CMSS1: variants seen among roughly 807,000 people sequenced by gnomAD.
CMSS1 encodes protein CMSS1.
In CMSS1, 33 loss-of-function variants were observed where a neutral mutation model predicts 43.5. That is an observed-to-expected ratio of 0.76 (90% confidence interval 0.57 to 1.01). CMSS1 has a LOEUF of 1.01. CMSS1 is among the 50% of genes least tolerant of loss of function. The pLI, the probability that CMSS1 is intolerant of heterozygous loss-of-function variation, is 0.00. For missense variants in CMSS1, 313 were observed against 326.4 expected (o/e 0.96, Z 0.32); for synonymous variants, 115 against 117.2 (o/e 0.98, Z 0.12).
At position 100,089,712 on chromosome 3, in the gene CMSS1, G is replaced by C. The variant is rs1487720116; in HGVS notation, c.65-57261G>C. The stretch of plus-strand genomic sequence containing the variant: ...ATAAATACAAATTTCATAGGCATTT[G>C]TATGAAGTAAGAATTCATTGCTCGT... On this transcript the variant is annotated intron_variant, in intron 1 of 9. Coordinates refer to ENST00000421999, the MANE Select transcript of CMSS1 (RefSeq NM_032359.4). Among the ~76,000 whole-genome samples the C allele has an allele frequency of 2.0e-5, 3 of 152,186 alleles. No individual in the cohort carries two copies. In the East Asian group the frequency reaches 5.8e-4, roughly 29 times the overall value.
intron 1 of CMSS1, among the ~76,000 whole-genome samples, chr3:99,896,482 A>G (rs1426902736): frequency 6.6e-6 from 1 of 152,162 alleles, no homozygotes; most frequent in East Asian, 1.9e-4. Flanking sequence ...TAGTCACCTT[A>G]AGCTACTGAG....
intron 1 of CMSS1, among the ~76,000 whole-genome samples, chr3:100,139,529 A>ATGTGTGTGTGTG (rs201315535): frequency 1.4e-4 from 18 of 129,296 alleles, no homozygotes; most frequent in East Asian, 4.5e-4. Context: ...TAAAAAAAAA[A>ATGTGTGTGTGTG]TGTGTGTGTG....
intron 1 of CMSS1, among the ~76,000 whole-genome samples, chr3:100,111,635 CAG>C: frequency 6.6e-6 from 1 of 152,024 alleles, no homozygotes; most frequent in East Asian, 1.9e-4. Context: ...TCAGATTAAA[CAG>C]AAAATCTTGA....
Position 100,178,598 on chromosome 3 carries a change from G to A in CMSS1, c.*210G>A. 2.1e-6 allele frequency: 1 copy of A among 471,256 alleles called. No individual in the cohort carries two copies. Among genetic ancestry groups the A allele is most frequent in the Non-Finnish European group, 3.8e-6 (1 of 262,966 alleles). The allele number at this position is 471,256 out of a possible 1,614,324, so 29.2% of individuals were successfully genotyped here. On this transcript the variant is annotated 3_prime_UTR_variant, in exon 10 of 10. Coordinates refer to ENST00000421999, the MANE Select transcript of CMSS1 (RefSeq NM_032359.4). ...ATATAATAAAGTATCACCGGCTTGT[G>A]TATGATCCTTGTTGAGCGGACCGTG...
chr3:100,078,784 G>A (rs940570574), intron 1 of CMSS1, among the ~76,000 whole-genome samples: 5 of 151,994 alleles, frequency 3.3e-5, no homozygotes, highest in African/African-American at 7.3e-5. Context: ...CAAGCTACTC[G>A]GGAGGCTAAG....
intron 1 of CMSS1, among the ~76,000 whole-genome samples, chr3:100,071,673 C>G (rs900608928): frequency 6.6e-6 from 1 of 152,126 alleles, no homozygotes. Flanking sequence ...TTGGTCCATT[C>G]TTAGGTCTTT....
intron 1 of CMSS1, among the ~76,000 whole-genome samples, chr3:100,145,911 C>A (rs1317125180): frequency 1.3e-5 from 2 of 152,248 alleles, no homozygotes; most frequent in South Asian, 4.1e-4. Context: ...GACCAAATAT[C>A]GGGGCACCCC....
chr3:99,976,443 C>G (rs1280414823), intron 1 of CMSS1, among the ~76,000 whole-genome samples: 1 of 151,974 alleles, frequency 6.6e-6, no homozygotes, highest in East Asian at 1.9e-4. Context: ...GAAACAGTAA[C>G]CCCCCAAGAG....
intron 6 of CMSS1, 150 bp from the exon 7 acceptor site, chr3:100,171,689 C>A: frequency 4.7e-6 from 3 of 637,946 alleles, no homozygotes; most frequent in Non-Finnish European, 8.3e-6. Flanking sequence ...ATTGGCTAAC[C>A]TGCAAATCTC....
chr3:100,118,797 GGAAT>G (rs1308691293), intron 1 of CMSS1, among the ~76,000 whole-genome samples: 1 of 152,068 alleles, frequency 6.6e-6, no homozygotes, highest in African/African-American at 2.4e-5. Context: ...AGGAAAGGAG[GGAAT>G]GTATTGGGCT....
intron 1 of CMSS1, among the ~76,000 whole-genome samples, chr3:99,941,513 A>C (rs868443045): frequency 3.3e-5 from 5 of 152,198 alleles, no homozygotes; most frequent in African/African-American, 4.8e-5. Context: ...GGGAATATCA[A>C]ATTGTGCCTA....
At chr3:99,924,548 C>A in intron 1 of CMSS1, 1 of 844,414 alleles carries the variant, frequency 1.2e-6, no homozygotes, top group Non-Finnish European at 1.9e-6. Context: ...AAACAGTTTT[C>A]GCTGTCGTTG....
chr3:99,991,817 G>GGT (rs1300054193), intron 1 of CMSS1, among the ~76,000 whole-genome samples: 19 of 112,238 alleles, frequency 1.7e-4, no homozygotes, highest in Admixed American at 1.2e-3. Flanking sequence ...AGTATTCCAT[G>GGT]GTGTGTGTAT....
chr3:99,841,132 A>T lies in CMSS1; in HGVS notation c.64+23089A>T, dbSNP rs1943111681. On this transcript the variant is annotated intron_variant, in intron 1 of 9. Coordinates refer to ENST00000421999, the MANE Select transcript of CMSS1 (RefSeq NM_032359.4). ...TGTGTACATGTGATGCTTTGAAGAA[A>T]ACATATTGCATACTAAGACACTGCG... Among the ~76,000 whole-genome samples the T allele has an allele frequency of 2.6e-5, 4 of 152,360 alleles. No homozygotes were observed. The South Asian group carries it at 8.3e-4, about 32-fold the overall frequency.
chr3:99,999,953 A>G (rs1045767463), intron 1 of CMSS1, among the ~76,000 whole-genome samples: 1 of 152,186 alleles, frequency 6.6e-6, no homozygotes, highest in Non-Finnish European at 1.5e-5. Context: ...AGGTATCTCT[A>G]GACTCTAGAA....
chr3:100,018,735 CAAAA>C (rs61527233), intron 1 of CMSS1, among the ~76,000 whole-genome samples: 5 of 120,224 alleles, frequency 4.2e-5, no homozygotes, highest in Non-Finnish European at 3.5e-5. Flanking sequence ...TTCCGCATAG[CAAAA>C]AAAAAAAAAA....
intron 1 of CMSS1, among the ~76,000 whole-genome samples, chr3:99,915,627 G>GT (rs1207400348): frequency 6.6e-6 from 1 of 151,332 alleles, no homozygotes; most frequent in Non-Finnish European, 1.5e-5. Flanking sequence ...AGTCTTAATG[G>GT]TTTAAAAAAA....
At chr3:100,026,419 G>A (rs1364992053) in intron 1 of CMSS1, among the ~76,000 whole-genome samples, 2 of 152,152 alleles carry the variant, frequency 1.3e-5, no homozygotes, top group East Asian at 3.9e-4. Context: ...GAACCAAAGG[G>A]CCAGTGTCTT....
At chr3:100,085,779 G>T (rs1448217085) in intron 1 of CMSS1, among the ~76,000 whole-genome samples, 1 of 152,124 alleles carries the variant, frequency 6.6e-6, no homozygotes, top group Non-Finnish European at 1.5e-5. Context: ...CTCCTAAGTG[G>T]CCAAATAAAA....
Sources: gnomAD v4.1 joint callset for allele counts (sites outside exome capture counted in the v4.1 genomes callset) on GRCh38, gnomAD v4.1.1 for gene constraint, MANE v1.5 for transcripts, NCBI Gene and HGNC (gene_info 2026-07-23, HGNC 2026-07-21) for gene names.